Variants in SCD5 observed in about 807,000 individuals in gnomAD.
The protein encoded by SCD5 is stearoyl-CoA desaturase 5.
Under a neutral mutation model 30.4 loss-of-function variants are expected in SCD5, and 20 were observed. The ratio of observed to expected loss-of-function variants is 0.66; its 90% CI spans 0.46 to 0.96. SCD5 has a LOEUF of 0.96. SCD5 is among the 40% of genes least tolerant of loss of function. The probability of loss-of-function intolerance (pLI) is 0.00; values close to 1 mark genes in which losing one functional copy is unlikely to be tolerated. For synonymous variants in SCD5, 173 were observed against 176.4 expected (o/e 0.98, Z 0.16); for missense variants, 381 against 443.3 (o/e 0.86, Z 1.26).
At chr4:82,696,276 T>C (rs1719693287) in intron 2 of SCD5, among the ~76,000 whole-genome samples, 1 of 152,232 alleles carries the variant, frequency 6.6e-6, no homozygotes, top group Non-Finnish European at 1.5e-5. Context: ...CATTGTATCT[T>C]TGGAGCGTGA....
In SCD5 at chr4:82,636,442, C is replaced by T; in HGVS notation, c.802+149G>A. The T allele has an allele frequency of 6.3e-6, 4 of 631,958 alleles. No individual in the cohort carries two copies. The Admixed American group carries it at 1.0e-4, about 16-fold the overall frequency. 39.1% of individuals were successfully genotyped at this position (631,958 alleles called of 1,614,324 possible). A position where few individuals can be genotyped will look rare whatever the true frequency, so the allele number is the denominator to read the frequency against. ...CTCCAGACTGGCCAACAGAGTGAGACTCTATCTCGGAAAAAAAAAAAAAAA... is the reference window on the plus strand; with the variant it reads ...CTCCAGACTGGCCAACAGAGTGAGATTCTATCTCGGAAAAAAAAAAAAAAA... On this transcript the variant is annotated intron_variant, in intron 4 of 4. Coordinates refer to ENST00000319540, the MANE Select transcript of SCD5 (RefSeq NM_001037582.3).
At chr4:82,700,745 C>G (rs1181567861) in intron 2 of SCD5, among the ~76,000 whole-genome samples, 2 of 132,378 alleles carry the variant, frequency 1.5e-5, no homozygotes, top group Non-Finnish European at 3.1e-5. Flanking sequence ...CATGATTGCT[C>G]CACTGCACTC....
Position 82,646,655 on chromosome 4 carries a change from G to T in SCD5, c.570-9832C>A, listed in dbSNP as rs78553764. The stretch of plus-strand genomic sequence containing the variant: ...TCCCCTGTGCTACTCCATGATAAGC[G>T]TTCTGTAGAAGAAAACCTTTCACTT... On this transcript the variant is annotated intron_variant, in intron 3 of 4. Coordinates refer to ENST00000319540, the MANE Select transcript of SCD5 (RefSeq NM_001037582.3). 7.9e-4 allele frequency among the ~76,000 whole-genome samples: 120 copies of T among 152,282 alleles called. 2 individuals carry two copies. In the East Asian group the frequency reaches 0.021, roughly 27 times the overall value.
intron 1 of SCD5, among the ~76,000 whole-genome samples, chr4:82,739,514 G>A (rs1431793396): frequency 1.3e-5 from 2 of 152,252 alleles, no homozygotes; most frequent in African/African-American, 2.4e-5. Flanking sequence ...GAGGGAGGTC[G>A]TGGCTGGTAG....
rs1560531713 is a variant in SCD5 at position 82,679,263 on chromosome 4, G to GAAAGAAAGAAAGAAA, written c.569+1443_569+1444insTTTCTTTCTTTCTTT. 4.7e-4 allele frequency among the ~76,000 whole-genome samples: 56 copies of GAAAGAAAGAAAGAAA among 118,338 alleles called. 2 individuals carry two copies. Among genetic ancestry groups the GAAAGAAAGAAAGAAA allele is most frequent in the African/African-American group, 1.6e-3 (52 of 32,038 alleles). 77.6% of individuals were successfully genotyped at this position (118,338 alleles called of 152,430 possible). ...AAGAAAGAAAGAAAGAAAGAAAGAA[G>GAAAGAAAGAAAGAAA]GAAGGAAAGAAAGAAAGAAGGAAGG... On this transcript the variant is annotated intron_variant, in intron 3 of 4. Transcript: ENST00000319540.
At chr4:82,678,556 T>G (rs1451309234) in intron 3 of SCD5, among the ~76,000 whole-genome samples, 1 of 152,214 alleles carries the variant, frequency 6.6e-6, no homozygotes, top group Non-Finnish European at 1.5e-5. Context: ...CAACATCATT[T>G]GTATCACAGA....
At chr4:82,690,083 A>G (rs1219894129) in intron 2 of SCD5, among the ~76,000 whole-genome samples, 4 of 152,372 alleles carry the variant, frequency 2.6e-5, no homozygotes, top group Admixed American at 1.3e-4. Context: ...ATAATCCTCA[A>G]TTGGACCCTG....
In SCD5 at chr4:82,660,862, C is replaced by G; in HGVS notation, c.569+19845G>C. 1.9e-6 allele frequency: 3 copies of G among 1,613,936 alleles called. No individual in the cohort carries two copies. The South Asian group carries it at 3.3e-5, about 18-fold the overall frequency. On this transcript the variant is annotated intron_variant, in intron 3 of 4. Transcript: ENST00000319540. ...ATCACCAAGCCTCGCTGTTGTATAT[C>G]TCTCTTCTGACCTTCAGAATACCTC...
At position 82,644,989 on chromosome 4, in the gene SCD5, G is replaced by A. The variant is rs116768464; in HGVS notation, c.570-8166C>T. Reference sequence around the variant, plus strand: ...CTATCTATGAACACTCAGACTCTGGGATAGGAGAAGGTGCCTAAACTCATC... The same window carrying A: ...CTATCTATGAACACTCAGACTCTGGAATAGGAGAAGGTGCCTAAACTCATC... On this transcript the variant is annotated intron_variant, in intron 3 of 4. Coordinates refer to ENST00000319540, the MANE Select transcript of SCD5 (RefSeq NM_001037582.3). Among the ~76,000 whole-genome samples the A allele has an allele frequency of 3.7e-3, 568 of 152,310 alleles. 9 individuals carry two copies. Among genetic ancestry groups the A allele is most frequent in the African/African-American group, 0.013 (543 of 41,566 alleles).
intron 2 of SCD5, among the ~76,000 whole-genome samples, chr4:82,693,510 C>CTA (rs766788668): frequency 1.3e-5 from 2 of 152,136 alleles, no homozygotes; most frequent in Non-Finnish European, 2.9e-5. Context: ...TTGCCCCTCT[C>CTA]TATTGTAGCC....
chr4:82,653,044 T>G (rs6822464), intron 3 of SCD5, among the ~76,000 whole-genome samples: 4,201 of 152,022 alleles, frequency 0.028, 216 homozygotes, highest in African/African-American at 0.096. Flanking sequence ...TCCTGGCTAC[T>G]TGGGGGGACT....
At chr4:82,647,220 C>T (rs971010941) in intron 3 of SCD5, among the ~76,000 whole-genome samples, 8 of 152,128 alleles carry the variant, frequency 5.3e-5, no homozygotes, top group African/African-American at 1.4e-4. Context: ...TGTGTGTTCA[C>T]GTATGTGTGC....
At chr4:82,761,528 G>C (rs1045911173) in intron 1 of SCD5, among the ~76,000 whole-genome samples, 4 of 151,934 alleles carry the variant, frequency 2.6e-5, no homozygotes, top group African/African-American at 4.8e-5. Flanking sequence ...ATGTAGCTCA[G>C]GGGCCCTGAA....
At chr4:82,777,285 G>A (rs1210630036) in intron 1 of SCD5, among the ~76,000 whole-genome samples, 7 of 152,130 alleles carry the variant, frequency 4.6e-5, no homozygotes, top group African/African-American at 9.7e-5. Flanking sequence ...TCCCCTCCTC[G>A]GCCTACTCTC....
intron 2 of SCD5, among the ~76,000 whole-genome samples, chr4:82,686,897 A>G (rs10030936): frequency 0.8 from 121,536 of 152,108 alleles, 48,771 homozygotes; most frequent in Middle Eastern, 0.86. Flanking sequence ...TTCGCCGGGC[A>G]GGGTGGCTCA....
At chr4:82,714,810 C>A (rs1720189887) in intron 1 of SCD5, among the ~76,000 whole-genome samples, 1 of 152,036 alleles carries the variant, frequency 6.6e-6, no homozygotes, top group African/African-American at 2.4e-5. Context: ...AAGTATATGG[C>A]AAATATTCCA....
chr4:82,646,456 C>T (rs564649285), intron 3 of SCD5, among the ~76,000 whole-genome samples: 2 of 152,164 alleles, frequency 1.3e-5, no homozygotes, highest in South Asian at 2.1e-4. Context: ...GGAGTGTCGC[C>T]GAAAATCTTC....
intron 1 of SCD5, among the ~76,000 whole-genome samples, chr4:82,723,485 A>ATTTTTTT (rs1720412308): frequency 6.6e-6 from 1 of 151,888 alleles, no homozygotes; most frequent in African/African-American, 2.4e-5. Context: ...TTTTGCTAAA[A>ATTTTTTT]TTTTTTCTGT....
chr4:82,678,289 A>G (rs1313972613), intron 3 of SCD5, among the ~76,000 whole-genome samples: 1 of 152,188 alleles, frequency 6.6e-6, no homozygotes, highest in African/African-American at 2.4e-5. Flanking sequence ...TTGCTGAAAT[A>G]GTCTTTGTTC....
Sources: gnomAD v4.1 joint callset for allele counts (sites outside exome capture counted in the v4.1 genomes callset) on GRCh38, gnomAD v4.1.1 for gene constraint, MANE v1.5 for transcripts, NCBI Gene and HGNC (gene_info 2026-07-23, HGNC 2026-07-21) for gene names.